AHCYL2: variants seen among roughly 807,000 people sequenced by gnomAD.
AHCYL2 encodes S-adenosylhomocysteine hydrolase-like protein 2.
A neutral mutation model predicts 81.4 loss-of-function variants in AHCYL2; 28 were observed. That is an observed-to-expected ratio of 0.34 (90% CI 0.25 to 0.47). AHCYL2 has a LOEUF of 0.47. AHCYL2 is among the 20% of genes least tolerant of loss of function. AHCYL2 has a pLI of 1.00. For missense variants in AHCYL2, 551 were observed against 785.1 expected, an observed-to-expected ratio of 0.70 and a Z score of 3.56; for synonymous variants, 272 against 290.2, an observed-to-expected ratio of 0.94 and a Z score of 0.64.
intron 11 of AHCYL2, among the ~76,000 whole-genome samples, chr7:129,412,573 G>A (rs1017412964): frequency 3.3e-5 from 5 of 151,840 alleles, no homozygotes; most frequent in Admixed American, 6.6e-5. Context: ...GAGCCACTGC[G>A]CCTGGCTGGA....
intron 1 of AHCYL2, among the ~76,000 whole-genome samples, chr7:129,238,578 G>A (rs1025202941): frequency 3.2e-4 from 49 of 152,166 alleles, no homozygotes; most frequent in Admixed American, 1.8e-3. Flanking sequence ...TTTGATATAA[G>A]CAATACTGGA....
chr7:129,353,554 A>G (rs1400108772), intron 1 of AHCYL2, among the ~76,000 whole-genome samples: 2 of 151,328 alleles, frequency 1.3e-5, no homozygotes, highest in African/African-American at 4.9e-5. Context: ...TATTTCATCT[A>G]TCTATTTACT....
chr7:129,284,120 G>A (rs1796542830), intron 1 of AHCYL2, among the ~76,000 whole-genome samples: 1 of 152,126 alleles, frequency 6.6e-6, no homozygotes, highest in Non-Finnish European at 1.5e-5. Flanking sequence ...AATAAATTAA[G>A]GGAAGTGATA....
At chr7:129,251,448 C>T (rs1795248344) in intron 1 of AHCYL2, among the ~76,000 whole-genome samples, 1 of 150,806 alleles carries the variant, frequency 6.6e-6, no homozygotes, top group East Asian at 1.9e-4. Flanking sequence ...ATTCTTGAAG[C>T]ATTCTAGAGT....
chr7:129,233,655 T>C (rs1794531133), intron 1 of AHCYL2, among the ~76,000 whole-genome samples: 1 of 152,126 alleles, frequency 6.6e-6, no homozygotes, highest in African/African-American at 2.4e-5. Context: ...GCCCAGCTAA[T>C]TTTTGTATTG....
At chr7:129,391,435 G>A (rs1176504461) in intron 4 of AHCYL2, among the ~76,000 whole-genome samples, 1 of 152,236 alleles carries the variant, frequency 6.6e-6, no homozygotes, top group Admixed American at 6.5e-5. Context: ...AATTGTACCA[G>A]CTGCAACACA....
chr7:129,394,420 T>C (rs1419421697), intron 4 of AHCYL2, among the ~76,000 whole-genome samples: 1 of 150,768 alleles, frequency 6.6e-6, no homozygotes, highest in East Asian at 2.0e-4. Context: ...CTTTTTTTTT[T>C]TCCTGGCATT....
chr7:129,346,505 T>C (rs190055273), intron 1 of AHCYL2, among the ~76,000 whole-genome samples: 16 of 152,286 alleles, frequency 1.1e-4, no homozygotes, highest in African/African-American at 3.6e-4. Flanking sequence ...AGAAGATATA[T>C]AGATGTCAAA....
intron 1 of AHCYL2, among the ~76,000 whole-genome samples, chr7:129,321,735 CT>C (rs1452547698): frequency 1.7e-5 from 1 of 58,558 alleles, no homozygotes; most frequent in Non-Finnish European, 3.9e-5. Context: ...AATTTGTATT[CT>C]TTCTTTGTTT....
At chr7:129,282,621 C>T (rs1054278955) in intron 1 of AHCYL2, among the ~76,000 whole-genome samples, 1 of 151,978 alleles carries the variant, frequency 6.6e-6, no homozygotes, top group South Asian at 2.1e-4. Flanking sequence ...TTTGTTAATT[C>T]CCTTGTCTGC....
At chr7:129,285,069 G>A (rs34284898) in intron 1 of AHCYL2, among the ~76,000 whole-genome samples, 39,505 of 152,092 alleles carry the variant, frequency 0.26, 6,493 homozygotes, top group East Asian at 0.63. Flanking sequence ...ATAAGGCTGG[G>A]ACAGCCAGCT....
intron 1 of AHCYL2, among the ~76,000 whole-genome samples, chr7:129,238,705 AC>A (rs1794726671): frequency 6.6e-6 from 1 of 152,148 alleles, no homozygotes; most frequent in Non-Finnish European, 1.5e-5. Flanking sequence ...CAATCCCAGC[AC>A]TTTGGGAGGC....
Position 129,264,067 on chromosome 7 carries a change from G to T in AHCYL2, c.363+38628G>T, listed in dbSNP as rs193094272. On this transcript the variant is annotated intron_variant, in intron 1 of 16. Coordinates refer to ENST00000325006, the MANE Select transcript of AHCYL2 (RefSeq NM_015328.4). ...GACGGAGTCATGCTCTGTCGCCTAG[G>T]CTGGAGTGCAGTGGCGCCATCTCGG... 4.3e-4 allele frequency among the ~76,000 whole-genome samples: 66 copies of T among 152,172 alleles called. No homozygotes were observed. The East Asian group carries it at 0.012, about 27-fold the overall frequency.
At chr7:129,239,458 T>C (rs1205377549) in intron 1 of AHCYL2, among the ~76,000 whole-genome samples, 1 of 147,400 alleles carries the variant, frequency 6.8e-6, no homozygotes, top group Non-Finnish European at 1.5e-5. Flanking sequence ...GAGATGGGGG[T>C]CTTGCTTTGA....
At chr7:129,292,715 C>T (rs922647050) in intron 1 of AHCYL2, among the ~76,000 whole-genome samples, 15 of 151,678 alleles carry the variant, frequency 9.9e-5, no homozygotes, top group South Asian at 8.4e-4. Flanking sequence ...TGCAATAAGC[C>T]GAGATCATGC....
chr7:129,424,963 T>C (rs769018643), intron 14 of AHCYL2, 21 bp downstream of exon 14: 6 of 1,613,904 alleles, frequency 3.7e-6, no homozygotes, highest in East Asian at 2.2e-5. Context: ...CAGAGTGGGA[T>C]AGCAGTAGTC....
chr7:129,406,386 A>G lies in AHCYL2; in HGVS notation c.1215A>G (p.Lys405=). 6.2e-7 allele frequency: 1 copy of G among 1,613,956 alleles called. No homozygotes were observed. Residue 405 remains lysine (K), a synonymous_variant, in exon 10 of 17, where the codon AAA becomes AAG. Transcript: ENST00000325006. The surrounding 1 kb of genome is among the most constrained non-coding windows in gnomAD (Gnocchi z 4.3). ...VVVCGYGEVG[K]GCCAALKAMG... is the part of the protein sequence containing the mutation. ...CTCTCTCCCCTCTTCAGGTGGGGAA[A>G]GGGTGCTGTGCTGCCCTGAAAGCCA...
At chr7:129,284,838 A>G (rs1796571985) in intron 1 of AHCYL2, among the ~76,000 whole-genome samples, 1 of 152,200 alleles carries the variant, frequency 6.6e-6, no homozygotes, top group African/African-American at 2.4e-5. Context: ...GTCTTAAGAA[A>G]TTGAAAATGA....
chr7:129,403,783 C>T (rs1796149826), intron 7 of AHCYL2, among the ~76,000 whole-genome samples: 1 of 147,756 alleles, frequency 6.8e-6, no homozygotes, highest in South Asian at 2.1e-4. Flanking sequence ...ATGGCATGAA[C>T]CCAGGAGGCG....
Sources: allele counts gnomAD v4.1 joint callset (sites outside exome capture counted in the v4.1 genomes callset), GRCh38; gene constraint gnomAD v4.1.1; non-coding constraint Gnocchi (gnomAD v3.1); transcripts MANE v1.5; gene names NCBI Gene and HGNC (gene_info 2026-07-23, HGNC 2026-07-21).